Variants in RBM4 observed in about 807,000 individuals in gnomAD.
The protein encoded by RBM4 is RNA binding motif protein 4, also known as RNA-binding protein 4.
Under a neutral mutation model 29.5 loss-of-function variants are expected in RBM4, and 7 were observed. The ratio of observed to expected loss-of-function variants is 0.24; its 90% CI spans 0.14 to 0.45. RBM4 has a LOEUF of 0.45. Ranked by LOEUF, RBM4 falls within the 20% of genes least tolerant of loss-of-function variation. RBM4 has a pLI of 1.00. For synonymous variants in RBM4, 220 were observed against 205.4 expected, an observed-to-expected ratio of 1.07 and a Z score of -0.61; for missense variants, 387 against 502.3, an observed-to-expected ratio of 0.77 and a Z score of 2.19.
downstream of RBM4, chr11:66,649,930 A>G: frequency 1.8e-6 from 1 of 553,440 alleles, no homozygotes; most frequent in Non-Finnish European, 3.2e-6. Context: ...TTTTTCCCCC[A>G]TAGCATTTCA....
chr11:66,665,031 T>C (rs1203823012), intron 2 of RBM4: 1 of 152,348 alleles, frequency 6.6e-6, no homozygotes, highest in African/African-American at 2.4e-5. Flanking sequence ...TGTCAAAAAA[T>C]TTTTTTAAAA....
intron 2 of RBM4, among the ~76,000 whole-genome samples, chr11:66,661,890 C>T (rs920796413): frequency 5.3e-5 from 8 of 152,004 alleles, no homozygotes; most frequent in Non-Finnish European, 8.8e-5. Context: ...ATTCACCAGG[C>T]GTGGTGGCGC....
In RBM4 at chr11:66,643,678, C is replaced by A. The variant is rs767125416; in HGVS notation, c.641C>A (p.Ala214Glu). Residue 214 changes from alanine (A) to glutamate (E), a missense_variant, in exon 3 of 4, where the codon GCG (alanine) becomes GAG (glutamate). Around this residue, in one of 2 missense-constraint regions of RBM4, gnomAD observed 281 missense variants for 288.7 expected, o/e 0.97. Coordinates refer to ENST00000310092, the MANE Select transcript of RBM4 (RefSeq NM_002896.4). This position sits in a 1 kb window ranked among gnomAD's most constrained non-coding sequence, Gnocchi z 6.1. ...GGGGATTCATTGTATTACAACAACGCGTACGGAGCGCTCGATGCCTACTAC... is the reference window on the plus strand; with the variant it reads ...GGGGATTCATTGTATTACAACAACGAGTACGGAGCGCTCGATGCCTACTAC... ...SYGDSLYYNN[A>E]YGALDAYYKR... The A allele has an allele frequency of 2.5e-6, 4 of 1,614,162 alleles. No individual in the cohort carries two copies. The highest frequency in any genetic ancestry group is 3.4e-6 in the Non-Finnish European group (4 of 1,180,024).
intron 2 of RBM4, among the ~76,000 whole-genome samples, chr11:66,662,804 A>G (rs1939107370): frequency 6.6e-6 from 1 of 152,208 alleles, no homozygotes; most frequent in African/African-American, 2.4e-5. Context: ...TTGGCTCTGC[A>G]TAGTGCCTTG....
In RBM4 at chr11:66,644,062, A is replaced by G. The variant is rs1044187829; in HGVS notation, c.1025A>G (p.Asn342Ser). 2 of 1,613,846 alleles carry G rather than the reference A, an allele frequency of 1.2e-6. No individual in the cohort carries two copies. The highest frequency in any genetic ancestry group is 2.7e-5 in the African/African-American group (2 of 74,866). Residue 342 changes from asparagine to serine, a missense_variant, in exon 3 of 4, where the codon AAT becomes AGT. Physicochemically the swap from Asn to Ser is conservative, Grantham distance 46. Transcript: ENST00000310092. ...TCCCAAGCTTCAGCAGCCGCGCGGA[A>G]TTCTCTGTACGACATGGCCCGGTAT... ...ELSQASAAAR[N>S]SLYDMARYER... is the part of the protein sequence containing the mutation.
At chr11:66,646,908 T>C (rs1938708156), downstream of RBM4, among the ~76,000 whole-genome samples, 3 of 152,190 alleles carry the variant, frequency 2.0e-5, no homozygotes, top group South Asian at 4.1e-4. Context: ...CAAGAGTACT[T>C]TGCTAACTAG....
chr11:66,651,135 A>G (rs1435180183), downstream of RBM4, among the ~76,000 whole-genome samples: 1 of 152,082 alleles, frequency 6.6e-6, no homozygotes, highest in Admixed American at 6.6e-5. Context: ...GGGGGGATGG[A>G]GTAGTGAGAG....
chr11:66,665,675 GAA>G, intron 2 of RBM4: 10 of 1,498,082 alleles, frequency 6.7e-6, no homozygotes, highest in Non-Finnish European at 8.0e-6. Flanking sequence ...ATTCCGGGGG[GAA>G]AAAAAAGAAC....
At chr11:66,651,792 A>G (rs952348770) in intron 2 of RBM4, among the ~76,000 whole-genome samples, 2 of 152,120 alleles carry the variant, frequency 1.3e-5, no homozygotes, top group Admixed American at 1.3e-4. Context: ...TGGTGTCTGG[A>G]TTCTGTCTTG....
chr11:66,645,478 A>G (rs1565082659), intron 3 of RBM4, among the ~76,000 whole-genome samples: 1 of 152,174 alleles, frequency 6.6e-6, no homozygotes, highest in Non-Finnish European at 1.5e-5. Context: ...TGTAGCTTAT[A>G]CATGCCCTTC....
At chr11:66,654,885 C>T (rs900204959) in intron 2 of RBM4, among the ~76,000 whole-genome samples, 5 of 151,628 alleles carry the variant, frequency 3.3e-5, no homozygotes, top group African/African-American at 9.7e-5. Flanking sequence ...AGTCCAGTGG[C>T]GCCATTTCGG....
chr11:66,663,722 GTGTGTGTA>G (rs1400318347), intron 2 of RBM4, among the ~76,000 whole-genome samples: 3 of 151,726 alleles, frequency 2.0e-5, no homozygotes, highest in East Asian at 3.9e-4. Context: ...GTGTGTGTGT[GTGTGTGTA>G]TATATGTTTT....
Position 66,639,838 on chromosome 11 carries a change from G to C in RBM4, c.127G>C (p.Glu43Gln). 1 of 1,614,120 alleles carries C rather than the reference G, an allele frequency of 6.2e-7. No homozygotes were observed. Among genetic ancestry groups the C allele is most frequent in the Non-Finnish European group, 8.5e-7 (1 of 1,180,024 alleles). Residue 43 changes from glutamate (E) to glutamine (Q), a missense_variant, in exon 2 of 4, where the codon GAA becomes CAA. This residue lies in a region of RBM4 where 106 missense variants were observed against 213.6 expected (regional missense o/e 0.50). Transcript: ENST00000310092. Reference sequence around the variant, plus strand: ...TAAGAATTACGGCTTTGTGCACATAGAAGACAAGACGGCAGCTGAGGATGC... The same window carrying C: ...TAAGAATTACGGCTTTGTGCACATACAAGACAAGACGGCAGCTGAGGATGC... Reference protein sequence around the residue: ...IIKNYGFVHIEDKTAAEDAIR... With the variant: ...IIKNYGFVHIQDKTAAEDAIR...
exon 3 of RBM4, chr11:66,667,169 G>A (rs1287063339): frequency 6.6e-6 from 1 of 152,160 alleles, no homozygotes; most frequent in African/African-American, 2.4e-5. Flanking sequence ...TTCAAGTGAT[G>A]CTCAATTTCA....
intron 2 of RBM4, chr11:66,665,583 AAGAG>A: frequency 1.3e-6 from 2 of 1,535,960 alleles, no homozygotes; most frequent in Non-Finnish European, 1.7e-6. Context: ...TCCTACCTGA[AAGAG>A]AGCACAACAC....
At chr11:66,646,837 T>C (rs1240849993), downstream of RBM4, among the ~76,000 whole-genome samples, 1 of 152,224 alleles carries the variant, frequency 6.6e-6, no homozygotes, top group Non-Finnish European at 1.5e-5. Context: ...AGGAGGGGTT[T>C]AGGGGAAGAG....
chr11:66,667,435 AAAC>A (rs1939277484), exon 3 of RBM4: 2 of 152,166 alleles, frequency 1.3e-5, no homozygotes, highest in South Asian at 4.1e-4. Flanking sequence ...CAAAAAACAC[AAAC>A]AAAAATTGCT....
chr11:66,665,634 C>G lies in RBM4; in HGVS notation c.413-222C>G. 5.2e-6 allele frequency: 8 copies of G among 1,535,340 alleles called. No homozygotes were observed. The South Asian group carries it at 9.5e-5, about 18-fold the overall frequency. The stretch of plus-strand genomic sequence containing the variant: ...ACAATGCCTGGAGAGCAGCCTGGCT[C>G]CGCGTACAAGCGCCCTGGGTCCTGT... On this transcript the variant is annotated intron_variant, in intron 2 of 2. Transcript: ENST00000396053.
chr11:66,664,658 C>T (rs770726894), intron 2 of RBM4, among the ~76,000 whole-genome samples: 14 of 151,768 alleles, frequency 9.2e-5, no homozygotes, highest in African/African-American at 1.5e-4. Context: ...TGGGGTTTCA[C>T]GATATTGGTC....
Sources: allele counts gnomAD v4.1 joint callset (sites outside exome capture counted in the v4.1 genomes callset), GRCh38; gene constraint gnomAD v4.1.1; regional missense constraint gnomAD v4.1.1; non-coding constraint Gnocchi (gnomAD v3.1); transcripts MANE v1.5; gene names NCBI Gene and HGNC (gene_info 2026-07-23, HGNC 2026-07-21).